BICRA: variants seen among roughly 807,000 people sequenced by gnomAD.
BICRA encodes BRD4 interacting chromatin remodeling complex associated protein, also known as BRD4-interacting chromatin-remodeling complex-associated protein.
In BICRA, 31 loss-of-function variants were observed where a neutral mutation model predicts 96.9. The observed-to-expected ratio is 0.32, with a 90% CI of 0.24 to 0.43. The LOEUF (loss-of-function observed/expected upper bound fraction) is 0.43. BICRA is among the 20% of genes least tolerant of loss of function. BICRA has a pLI of 1.00. For synonymous variants in BICRA, 1,350 were observed against 1,071.8 expected, an observed-to-expected ratio of 1.26 and a Z score of -5.07; for missense variants, 2,283 against 2,190.3, an observed-to-expected ratio of 1.04 and a Z score of -0.84.
At chr19:47,620,791 G>T (rs1415278982) in intron 1 of BICRA, among the ~76,000 whole-genome samples, 1 of 151,838 alleles carries the variant, frequency 6.6e-6, no homozygotes, top group Middle Eastern at 3.2e-3. Context: ...CCCGATGAGT[G>T]GCGTCCAGGA....
At position 47,695,050 on chromosome 19, in the gene BICRA, G is replaced by A. The variant is rs533513523; in HGVS notation, c.3046G>A (p.Ala1016Thr). 109 of 1,495,396 alleles carry A rather than the reference G, an allele frequency of 7.3e-5. No individual in the cohort carries two copies. The African/African-American group carries it at 1.1e-3, about 16-fold the overall frequency. 92.6% of individuals were successfully genotyped at this position (1,495,396 alleles called of 1,614,324 possible). A position where few individuals can be genotyped will look rare whatever the true frequency, so the allele number is the denominator to read the frequency against. ...PSGTPTAPSH[A>T]PAPAPMAATG... ...TGGGACCCCCACTGCCCCCAGCCAC[G>A]CCCCCGCCCCGGCACCCATGGCCGC... The change falls in exon 9 of 15, where the codon GCC becomes ACC. Residue 1016 changes from alanine (A) to threonine (T), a missense_variant. Transcript: ENST00000594866.
chr19:47,692,889 A>G (rs963081347), intron 7 of BICRA, among the ~76,000 whole-genome samples: 22 of 152,152 alleles, frequency 1.4e-4, no homozygotes, highest in African/African-American at 4.6e-4. Flanking sequence ...GAGCCCTCTG[A>G]GCCTGAACTC....
intron 10 of BICRA, among the ~76,000 whole-genome samples, chr19:47,696,068 C>T (rs1021598801): frequency 2.6e-5 from 4 of 151,792 alleles, no homozygotes; most frequent in South Asian, 2.1e-4. Flanking sequence ...GGCGGGGGGG[C>T]GAAACGACAG....
chr19:47,696,393 G>A (rs562948628), intron 10 of BICRA, 58 bp from the exon 11 acceptor site: 2 of 1,493,174 alleles, frequency 1.3e-6, no homozygotes, highest in African/African-American at 1.4e-5. Context: ...GGGGAAGCTG[G>A]TCGGGGGAGG....
chr19:47,679,060 C>A, intron 5 of BICRA: 1 of 329,178 alleles, frequency 3.0e-6, no homozygotes, highest in Admixed American at 4.7e-5. Context: ...GCTGCCACCC[C>A]TGACTAATTT....
At chr19:47,639,816 AT>A (rs1225992276) in intron 1 of BICRA, among the ~76,000 whole-genome samples, 5 of 149,934 alleles carry the variant, frequency 3.3e-5, no homozygotes, top group Admixed American at 1.3e-4. Flanking sequence ...CTAATTTAAA[AT>A]TTTTTTTGTA....
chr19:47,617,030 G>A (rs1392997640), intron 1 of BICRA, among the ~76,000 whole-genome samples: 1 of 152,080 alleles, frequency 6.6e-6, no homozygotes, highest in African/African-American at 2.4e-5. Context: ...GTTTGGCCAT[G>A]TTGGCCAGGC....
At chr19:47,693,661 C>T (rs1226683834) in intron 7 of BICRA, among the ~76,000 whole-genome samples, 3 of 152,178 alleles carry the variant, frequency 2.0e-5, no homozygotes, top group East Asian at 1.9e-4. Flanking sequence ...GCGGCTGGGA[C>T]GCTGCCCTGC....
chr19:47,698,824 C>T lies in BICRA; in HGVS notation c.3397+42C>T, dbSNP rs892146403. On this transcript the variant is annotated intron_variant, in intron 12 of 14. Coordinates refer to ENST00000594866, the MANE Select transcript of BICRA (RefSeq NM_001394372.1). This position sits in a 1 kb window ranked among gnomAD's most constrained non-coding sequence, Gnocchi z 4.8. ...ACACGGCCCTATATGTCCCAGGGGA[C>T]CCCAGCCCGTGGGGCGGGGCGTCGC... 6.6e-6 allele frequency: 10 copies of T among 1,518,774 alleles called. No homozygotes were observed. The highest frequency in any genetic ancestry group is 1.4e-5 in the African/African-American group (1 of 72,628). 94.1% of individuals were successfully genotyped at this position (1,518,774 alleles called of 1,614,324 possible). A position where few individuals can be genotyped will look rare whatever the true frequency, so the allele number is the denominator to read the frequency against.
At chr19:47,661,182 C>G (rs1568561430) in intron 1 of BICRA, among the ~76,000 whole-genome samples, 1 of 124,572 alleles carries the variant, frequency 8.0e-6, no homozygotes, top group Non-Finnish European at 1.6e-5. Context: ...CCACTGCACA[C>G]CAGCCTGGGT....
intron 1 of BICRA, among the ~76,000 whole-genome samples, chr19:47,611,366 G>A (rs146948923): frequency 1.3e-5 from 2 of 152,246 alleles, no homozygotes; most frequent in East Asian, 3.9e-4. Flanking sequence ...CTGGAATGGA[G>A]AATTGTCTGC....
At chr19:47,687,966 G>T (rs903014532) in intron 7 of BICRA, among the ~76,000 whole-genome samples, 4 of 152,098 alleles carry the variant, frequency 2.6e-5, no homozygotes, top group Non-Finnish European at 4.4e-5. Flanking sequence ...TTTTGAAAAG[G>T]TTCATGCCAG....
chr19:47,694,332 T>C lies in BICRA; in HGVS notation c.2501T>C (p.Ile834Thr). Residue 834 changes from isoleucine to threonine, a missense_variant, in exon 8 of 15, where the codon ATC becomes ACC. Transcript: ENST00000594866. ...CAGGCCCCCCCAACTCTGCCTGGCA[T>C]CTTTGTCATCCAAAACCAGCTAGGC... is the stretch of plus-strand genomic sequence containing the variant. Reference protein sequence around the residue: ...PPQAPPTLPGIFVIQNQLGVP... With the variant: ...PPQAPPTLPGTFVIQNQLGVP... The C allele has an allele frequency of 2.3e-6, 2 of 871,734 alleles. No individual in the cohort carries two copies. The highest frequency in any genetic ancestry group is 1.5e-5 in the South Asian group (1 of 68,236). 54.0% of individuals were successfully genotyped at this position (871,734 alleles called of 1,614,324 possible). A position where few individuals can be genotyped will look rare whatever the true frequency, so the allele number is the denominator to read the frequency against.
At chr19:47,700,978 A>G (rs1239186295) in intron 14 of BICRA, 4 of 351,282 alleles carry the variant, frequency 1.1e-5, no homozygotes, top group Non-Finnish European at 2.1e-5. Context: ...GGGTCTCACT[A>G]CTGTGGCCAG....
rs530790685 is a variant in BICRA at position 47,699,574 on chromosome 19, C to G, written c.3595+169C>G. Among the ~76,000 whole-genome samples the G allele has an allele frequency of 2.3e-4, 35 of 152,252 alleles. No individual in the cohort carries two copies. The highest frequency in any genetic ancestry group is 8.2e-4 in the African/African-American group (34 of 41,542). ...GGCAGCTGTGCCTCCCCTGACCTCC[C>G]GCCTCTCAGACCAGATAGCCCACAT... On this transcript the variant is annotated intron_variant, in intron 14 of 14. Coordinates refer to ENST00000594866, the MANE Select transcript of BICRA (RefSeq NM_001394372.1). The surrounding 1 kb of genome is among the most constrained non-coding windows in gnomAD (Gnocchi z 5.0).
At position 47,694,217 on chromosome 19, in the gene BICRA, C is replaced by G. The variant is rs781551702; in HGVS notation, c.2386C>G (p.Pro796Ala). 108 of 1,222,512 alleles carry G rather than the reference C, an allele frequency of 8.8e-5. No homozygotes were observed. The highest frequency in any genetic ancestry group is 1.1e-4 in the Non-Finnish European group (99 of 900,250). 75.7% of individuals were successfully genotyped at this position (1,222,512 alleles called of 1,614,324 possible). ...GDSPHLPSPHPTRPPSRPPSR... is the reference protein window; with the variant it reads ...GDSPHLPSPHATRPPSRPPSR... ...CAGCCCCCACCTGCCCTCCCCACACCCCACCCGGCCCCCTTCCCGCCCACC... is the reference window on the plus strand; with the variant it reads ...CAGCCCCCACCTGCCCTCCCCACACGCCACCCGGCCCCCTTCCCGCCCACC... Residue 796 changes from proline (P) to alanine (A), a missense_variant, in exon 8 of 15, where the codon CCC (proline) becomes GCC (alanine). Transcript: ENST00000594866.
intron 2 of BICRA, among the ~76,000 whole-genome samples, chr19:47,671,692 A>AGGATGGAG (rs1972863748): frequency 7.1e-6 from 1 of 140,166 alleles, no homozygotes. Flanking sequence ...GACGGGTAGA[A>AGGATGGAG]GGATGGAGGG....
At position 47,696,481 on chromosome 19, in the gene BICRA, C is replaced by T. The variant is rs1421430535; in HGVS notation, c.3217C>T (p.Pro1073Ser). ...YESKLSGLKK[P>S]PTLQPSKEAC... is the part of the protein sequence containing the mutation. Reference sequence around the variant, plus strand: ...GAGCAAACTGAGTGGCCTGAAGAAGCCCCCCACGCTTCAGCCCAGCAAGGA... The same window carrying T: ...GAGCAAACTGAGTGGCCTGAAGAAGTCCCCCACGCTTCAGCCCAGCAAGGA... Residue 1073 changes from proline (P) to serine (S), a missense_variant, in exon 11 of 15, where the codon CCC becomes TCC. Coordinates refer to ENST00000594866, the MANE Select transcript of BICRA (RefSeq NM_001394372.1). 2 of 1,604,252 alleles carry T rather than the reference C, an allele frequency of 1.2e-6. No homozygotes were observed. The highest frequency in any genetic ancestry group is 1.7e-6 in the Non-Finnish European group (2 of 1,175,504).
intron 1 of BICRA, among the ~76,000 whole-genome samples, chr19:47,622,533 G>A (rs1331492075): frequency 2.0e-5 from 3 of 149,948 alleles, no homozygotes; most frequent in African/African-American, 7.3e-5. Flanking sequence ...GACCATCCTG[G>A]CTAATGCGGT....
Sources: allele counts gnomAD v4.1 joint callset (sites outside exome capture counted in the v4.1 genomes callset), GRCh38; gene constraint gnomAD v4.1.1; non-coding constraint Gnocchi (gnomAD v3.1); transcripts MANE v1.5; gene names NCBI Gene and HGNC (gene_info 2026-07-23, HGNC 2026-07-21).